The following DDX42 variants were observed in gnomAD, a reference collection of about 807,000 sequenced individuals.
The protein encoded by DDX42 is ATP-dependent RNA helicase DDX42.
Under a neutral mutation model 101.5 loss-of-function variants are expected in DDX42, and 22 were observed. The ratio of observed to expected loss-of-function variants is 0.22; its 90% CI spans 0.15 to 0.31. The LOEUF (loss-of-function observed/expected upper bound fraction) is 0.31, where lower values mean the gene tolerates loss of function less well. DDX42 is among the 10% of genes least tolerant of loss of function. DDX42 has a pLI of 1.00. For missense variants in DDX42, 849 were observed against 1,199.9 expected, an observed-to-expected ratio of 0.71 and a Z score of 4.32; for synonymous variants, 402 against 401.2, an observed-to-expected ratio of 1.00 and a Z score of -0.02.
intron 13 of DDX42, 57 bp downstream of exon 13, chr17:63,811,230 A>G (rs2144584002): frequency 7.9e-7 from 1 of 1,258,150 alleles, no homozygotes; most frequent in Non-Finnish European, 1.1e-6. Flanking sequence ...ATATTATGGA[A>G]CACAGAATTA....
intron 2 of DDX42, among the ~76,000 whole-genome samples, chr17:63,789,836 G>A (rs1352045801): frequency 6.6e-6 from 1 of 152,072 alleles, no homozygotes; most frequent in Non-Finnish European, 1.5e-5. Context: ...GCCTCCCAAA[G>A]TGCTGGGATT....
At chr17:63,814,197 A>G (rs2039947840) in intron 15 of DDX42, among the ~76,000 whole-genome samples, 1 of 152,154 alleles carries the variant, frequency 6.6e-6, no homozygotes, top group African/African-American at 2.4e-5. Context: ...CTCTGACCAC[A>G]CTGATTGCCC....
At chr17:63,791,577 C>T (rs1395749408) in intron 2 of DDX42, among the ~76,000 whole-genome samples, 1 of 152,144 alleles carries the variant, frequency 6.6e-6, no homozygotes, top group Non-Finnish European at 1.5e-5. Flanking sequence ...TCCCAAAGTG[C>T]TGGGATTAGA....
chr17:63,800,442 G>A (rs748075616), intron 5 of DDX42, 26 bp from the exon 6 acceptor site: 5 of 1,609,326 alleles, frequency 3.1e-6, no homozygotes, highest in Admixed American at 3.4e-5. Context: ...ACTTGGGTGT[G>A]ATTATGTTCT....
Position 63,816,818 on chromosome 17 carries a change from G to A in DDX42, c.2014-50G>A, listed in dbSNP as rs779040317. On this transcript the variant is annotated intron_variant, in intron 16 of 17. Coordinates refer to ENST00000389924, the MANE Select transcript of DDX42 (RefSeq NM_203499.3). ...ATAATGAGGCCTAGTCTATAGCAGT[G>A]AGCTTTCCTGCTTATTTTTTCATTC... is the stretch of plus-strand genomic sequence containing the variant. 5.4e-6 allele frequency: 8 copies of A among 1,493,780 alleles called. No homozygotes were observed. In the East Asian group the frequency reaches 1.2e-4, roughly 22 times the overall value. The allele number at this position is 1,493,780 out of a possible 1,614,324, so 92.5% of individuals were successfully genotyped here. A position where few individuals can be genotyped will look rare whatever the true frequency, so the allele number is the denominator to read the frequency against.
intron 1 of DDX42, among the ~76,000 whole-genome samples, chr17:63,785,378 C>T (rs1342045988): frequency 6.6e-6 from 1 of 151,770 alleles, no homozygotes; most frequent in East Asian, 1.9e-4. Flanking sequence ...TGAACCCAGG[C>T]GACAGAGGTT....
Position 63,817,677 on chromosome 17 carries a change from G to A in DDX42, c.2113-17G>A, listed in dbSNP as rs1257414653. The A allele has an allele frequency of 6.2e-7, 1 of 1,608,488 alleles. No individual in the cohort carries two copies. Among genetic ancestry groups the A allele is most frequent in the Non-Finnish European group, 8.5e-7 (1 of 1,175,690 alleles). Reference sequence around the variant, plus strand: ...ACTTGCTATCTTACCTACTCCTGATGTCTCTTTCTCTTTCAGTCACAGTAC... The same window carrying A: ...ACTTGCTATCTTACCTACTCCTGATATCTCTTTCTCTTTCAGTCACAGTAC... On this transcript the variant is annotated splice_polypyrimidine_tract_variant and intron_variant, in intron 17 of 17. Transcript: ENST00000389924.
rs573850995 is a variant in DDX42 at position 63,809,070 on chromosome 17, G to C, written c.1152+122G>C. On this transcript the variant is annotated intron_variant, in intron 10 of 17. Coordinates refer to ENST00000389924, the MANE Select transcript of DDX42 (RefSeq NM_203499.3). The stretch of plus-strand genomic sequence containing the variant: ...CAGGGTTGAAAATATACTGATGAAC[G>C]GCAGGCTGTGGTTTTAATTTTGATT... The C allele has an allele frequency of 1.6e-5, 22 of 1,358,006 alleles. No individual in the cohort carries two copies. In the African/African-American group the frequency reaches 3.1e-4, roughly 19 times the overall value. 84.1% of individuals were successfully genotyped at this position (1,358,006 alleles called of 1,614,324 possible).
At chr17:63,817,369 C>T in intron 17 of DDX42, 1 of 309,488 alleles carries the variant, frequency 3.2e-6, no homozygotes. Context: ...ACTTAAATTG[C>T]AGTATGAAAA....
intron 6 of DDX42, among the ~76,000 whole-genome samples, chr17:63,803,923 T>G (rs1270715127): frequency 6.6e-6 from 1 of 152,172 alleles, no homozygotes; most frequent in Non-Finnish European, 1.5e-5. Context: ...GTGCTGGGAT[T>G]ACGGGTATGA....
At position 63,801,545 on chromosome 17, in the gene DDX42, T is replaced by C. The variant is rs1029131960; in HGVS notation, c.621+928T>C. On this transcript the variant is annotated intron_variant, in intron 6 of 17. Transcript: ENST00000389924. Reference sequence around the variant, plus strand: ...GCCTTTATTTTTTTGTTTATTTTTTTTCCAGACGAAGTCTTGCTCTATTGC... The same window carrying C: ...GCCTTTATTTTTTTGTTTATTTTTTCTCCAGACGAAGTCTTGCTCTATTGC... Among the ~76,000 whole-genome samples the C allele has an allele frequency of 2.6e-5, 4 of 152,044 alleles. No individual in the cohort carries two copies. In the East Asian group the frequency reaches 5.8e-4, roughly 22 times the overall value.
In DDX42 at chr17:63,787,245, C is replaced by T. The variant is rs767661453; in HGVS notation, c.196C>T (p.Arg66Trp). The T allele has an allele frequency of 1.2e-6, 2 of 1,614,098 alleles. No homozygotes were observed. Among genetic ancestry groups the T allele is most frequent in the African/African-American group, 1.3e-5 (1 of 75,022 alleles). The change falls in exon 2 of 18, where the codon CGG becomes TGG. Residue 66 changes from arginine to tryptophan, a missense_variant. Arg to Trp is a moderately radical substitution (Grantham distance 101, BLOSUM62 -3). Transcript: ENST00000389924. The stretch of plus-strand genomic sequence containing the variant: ...TTCTTTCTACAAAATTGGATCTAAG[C>T]GGGCCAACTTTGATGAAGAAAATGC... Reference protein sequence around the residue: ...LPSFYKIGSKRANFDEENAYF... With the variant: ...LPSFYKIGSKWANFDEENAYF...
intron 2 of DDX42, among the ~76,000 whole-genome samples, chr17:63,790,398 G>T (rs1567733498): frequency 6.6e-6 from 1 of 152,162 alleles, no homozygotes; most frequent in Non-Finnish European, 1.5e-5. Context: ...GCCGAGGTGG[G>T]TGTATCACTT....
chr17:63,811,043 T>C (rs1230973569), intron 12 of DDX42, 33 bp from the exon 13 acceptor site: 5 of 1,582,900 alleles, frequency 3.2e-6, no homozygotes, highest in Non-Finnish European at 4.3e-6. Context: ...GATATCATAT[T>C]GTTTCTCTAA....
In DDX42 at chr17:63,818,314, G is replaced by A. The variant is rs1292815111; in HGVS notation, c.2733G>A (p.Lys911=). The part of the protein sequence containing the change: ...EPKVDSSKMD[K]VDSKTDKTAD... ...AAGTGGACAGCAGCAAGATGGACAAGGTGGACAGCAAGACAGATAAGACAG... is the reference window on the plus strand; with the variant it reads ...AAGTGGACAGCAGCAAGATGGACAAAGTGGACAGCAAGACAGATAAGACAG... The change falls in exon 18 of 18, where the codon AAG becomes AAA. Residue 911 remains lysine (K), a synonymous_variant. Coordinates refer to ENST00000389924, the MANE Select transcript of DDX42 (RefSeq NM_203499.3). The A allele has an allele frequency of 6.2e-7, 1 of 1,614,038 alleles. No individual in the cohort carries two copies. The highest frequency in any genetic ancestry group is 1.3e-5 in the African/African-American group (1 of 75,054).
Position 63,818,337 on chromosome 17 carries a change from C to T in DDX42, c.2756C>T (p.Thr919Ile). The T allele has an allele frequency of 3.7e-6, 6 of 1,614,096 alleles. No individual in the cohort carries two copies. The South Asian group carries it at 4.4e-5, about 12-fold the overall frequency. Residue 919 changes from threonine to isoleucine, a missense_variant, in exon 18 of 18, where the codon ACA (threonine) becomes ATA (isoleucine). By Grantham distance (89) the Thr-to-Ile change is moderately conservative. This residue lies in a region of DDX42 where 300 missense variants were observed against 304.9 expected (regional missense o/e 0.98). Coordinates refer to ENST00000389924, the MANE Select transcript of DDX42 (RefSeq NM_203499.3). ...AAGGTGGACAGCAAGACAGATAAGA[C>T]AGCTGACGGCTTTGCTGTCCCAGAG... is the stretch of plus-strand genomic sequence containing the variant. ...MDKVDSKTDK[T>I]ADGFAVPEPP...
At chr17:63,803,675 C>T (rs1257057048) in intron 6 of DDX42, among the ~76,000 whole-genome samples, 1 of 150,130 alleles carries the variant, frequency 6.7e-6, no homozygotes, top group South Asian at 2.1e-4. Context: ...GAGATGGAGT[C>T]CTGCTCTGTC....
In DDX42 at chr17:63,806,414, C is replaced by T. The variant is rs1025132069; in HGVS notation, c.727-121C>T. Reference sequence around the variant, plus strand: ...CTTTTCATTGTATGATTTTGGCTTACAGACTTGTATTTTTACTTCATACTC... The same window carrying T: ...CTTTTCATTGTATGATTTTGGCTTATAGACTTGTATTTTTACTTCATACTC... On this transcript the variant is annotated intron_variant, in intron 7 of 17. Coordinates refer to ENST00000389924, the MANE Select transcript of DDX42 (RefSeq NM_203499.3). 3 of 1,132,090 alleles carry T rather than the reference C, an allele frequency of 2.6e-6. No homozygotes were observed. The Admixed American group carries it at 9.0e-5, about 34-fold the overall frequency. 70.1% of individuals were successfully genotyped at this position (1,132,090 alleles called of 1,614,324 possible).
chr17:63,806,780 TTATC>T (rs1315029158), intron 8 of DDX42, 126 bp downstream of exon 8: 1 of 1,052,736 alleles, frequency 9.5e-7, no homozygotes, highest in Non-Finnish European at 1.3e-6. Flanking sequence ...ATAGAGGTAT[TTATC>T]ACTCTTAAGA....
Sources: allele counts gnomAD v4.1 joint callset (sites outside exome capture counted in the v4.1 genomes callset), GRCh38; gene constraint gnomAD v4.1.1; regional missense constraint gnomAD v4.1.1; transcripts MANE v1.5; gene names NCBI Gene and HGNC (gene_info 2026-07-23, HGNC 2026-07-21).